The following PITPNC1 variants were observed in gnomAD, a reference collection of about 807,000 sequenced individuals.
PITPNC1 encodes the protein cytoplasmic phosphatidylinositol transfer protein 1.
PITPNC1 carries 18 observed loss-of-function variants against 44.7 expected under a neutral mutation model. The ratio of observed to expected loss-of-function variants is 0.40; its 90% confidence interval spans 0.28 to 0.60. The LOEUF (loss-of-function observed/expected upper bound fraction) is 0.60. PITPNC1 is among the 20% of genes least tolerant of loss of function. The pLI is 0.39. For synonymous variants in PITPNC1, 141 were observed against 149.6 expected (o/e 0.94, Z 0.42); for missense variants, 290 against 418.4 (o/e 0.69, Z 2.68).
chr17:67,432,338 A>G lies in PITPNC1; in HGVS notation c.48+54136A>G, dbSNP rs1025111849. ...CCCCGTCTCTACTAAAAATACAAAAATTAGCCGGGCGTGGTGGTGGGCACC... is the reference window on the plus strand; with the variant it reads ...CCCCGTCTCTACTAAAAATACAAAAGTTAGCCGGGCGTGGTGGTGGGCACC... On this transcript the variant is annotated intron_variant, in intron 1 of 8. Coordinates refer to ENST00000581322, the MANE Select transcript of PITPNC1 (RefSeq NM_012417.4). Among the ~76,000 whole-genome samples, 27 of 152,078 alleles carry G rather than the reference A, an allele frequency of 1.8e-4. 1 individual carries two copies. The highest frequency in any genetic ancestry group is 6.0e-4 in the African/African-American group (25 of 41,406).
At chr17:67,543,432 AG>A (rs1179249062) in intron 2 of PITPNC1, among the ~76,000 whole-genome samples, 2 of 152,244 alleles carry the variant, frequency 1.3e-5, no homozygotes, top group African/African-American at 4.8e-5. Flanking sequence ...TATTCCCACC[AG>A]GAATGCAATA....
intron 2 of PITPNC1, among the ~76,000 whole-genome samples, chr17:67,551,055 C>T (rs2040756151): frequency 6.6e-6 from 1 of 151,828 alleles, no homozygotes; most frequent in Admixed American, 6.6e-5. Context: ...AGCGAGACTC[C>T]GTGTCAAAAC....
intron 1 of PITPNC1, among the ~76,000 whole-genome samples, chr17:67,435,168 T>G (rs990446328): frequency 6.6e-6 from 1 of 151,890 alleles, no homozygotes; most frequent in Non-Finnish European, 1.5e-5. Flanking sequence ...ACTCCCTGGT[T>G]TGAACCTTGG....
intron 8 of PITPNC1, among the ~76,000 whole-genome samples, chr17:67,685,066 A>G (rs1316918293): frequency 6.6e-6 from 1 of 152,268 alleles, no homozygotes; most frequent in East Asian, 1.9e-4. Flanking sequence ...ACTCCTAGCT[A>G]AAAGTGATCG....
intron 2 of PITPNC1, among the ~76,000 whole-genome samples, chr17:67,539,470 G>T (rs1253309215): frequency 6.6e-6 from 1 of 152,170 alleles, no homozygotes; most frequent in East Asian, 1.9e-4. Context: ...TTCCACAGCA[G>T]TTCAACTTAA....
chr17:67,429,559 G>A (rs1428879810), intron 1 of PITPNC1, among the ~76,000 whole-genome samples: 1 of 152,130 alleles, frequency 6.6e-6, no homozygotes, highest in African/African-American at 2.4e-5. Flanking sequence ...TTAGCTGGGC[G>A]TGGTGGCGAT....
chr17:67,550,784 G>C (rs941371147), intron 2 of PITPNC1, among the ~76,000 whole-genome samples: 2 of 152,148 alleles, frequency 1.3e-5, no homozygotes, highest in African/African-American at 4.8e-5. Context: ...ATCATGGGCC[G>C]GGCGCAGTCG....
At chr17:67,619,470 G>GC (rs1378605139) in intron 5 of PITPNC1, among the ~76,000 whole-genome samples, 1 of 151,836 alleles carries the variant, frequency 6.6e-6, no homozygotes, top group Admixed American at 6.6e-5. Context: ...GTGCTTCTTG[G>GC]CCCCCCAAGG....
intron 6 of PITPNC1, among the ~76,000 whole-genome samples, chr17:67,656,612 A>C (rs1345155600): frequency 1.3e-5 from 2 of 152,114 alleles, no homozygotes; most frequent in Non-Finnish European, 2.9e-5. Flanking sequence ...TTCTGATTGC[A>C]CTGAGTTGGG....
intron 1 of PITPNC1, among the ~76,000 whole-genome samples, chr17:67,491,116 G>A (rs1203747291): frequency 1.3e-5 from 2 of 152,238 alleles, no homozygotes; most frequent in Non-Finnish European, 2.9e-5. Flanking sequence ...GAAAGTGAGA[G>A]GGAGGTGACC....
At chr17:67,466,236 G>A (rs72845144) in intron 1 of PITPNC1, among the ~76,000 whole-genome samples, 30,183 of 149,368 alleles carry the variant, frequency 0.2, 3,602 homozygotes, top group Middle Eastern at 0.29. Flanking sequence ...ATGTTGTCCA[G>A]TCTGGTCTCA....
chr17:67,496,551 T>G (rs901025502), intron 1 of PITPNC1, among the ~76,000 whole-genome samples: 5 of 152,126 alleles, frequency 3.3e-5, no homozygotes, highest in Non-Finnish European at 7.3e-5. Flanking sequence ...TATGGAATTA[T>G]CACAGTTCCA....
chr17:67,603,392 G>A (rs1438178273), intron 5 of PITPNC1, among the ~76,000 whole-genome samples: 1 of 152,150 alleles, frequency 6.6e-6, no homozygotes, highest in Non-Finnish European at 1.5e-5. Flanking sequence ...ATATTGGCAG[G>A]AATATTTACA....
intron 8 of PITPNC1, among the ~76,000 whole-genome samples, chr17:67,689,005 C>T (rs930802254): frequency 1.3e-5 from 2 of 152,150 alleles, no homozygotes; most frequent in Non-Finnish European, 2.9e-5. Flanking sequence ...GAGTTCAAGA[C>T]CAGCCTGACC....
intron 1 of PITPNC1, among the ~76,000 whole-genome samples, chr17:67,424,682 T>C (rs573495448): frequency 1.3e-5 from 2 of 151,804 alleles, no homozygotes; most frequent in East Asian, 1.9e-4. Context: ...CAAGCAAATA[T>C]ACAAAACTGA....
At chr17:67,414,090 T>A (rs1445660651) in intron 1 of PITPNC1, among the ~76,000 whole-genome samples, 32 of 127,004 alleles carry the variant, frequency 2.5e-4, no homozygotes, top group African/African-American at 9.8e-4. Context: ...GGGAAATGAG[T>A]TTGAACTGAA....
chr17:67,424,909 G>A (rs988701348), intron 1 of PITPNC1, among the ~76,000 whole-genome samples: 8 of 151,958 alleles, frequency 5.3e-5, no homozygotes, highest in African/African-American at 1.9e-4. Context: ...AGTGAAAATA[G>A]CCTTAACTGA....
chr17:67,471,429 C>T (rs560594062), intron 1 of PITPNC1: 2 of 348,146 alleles, frequency 5.7e-6, no homozygotes, highest in Non-Finnish European at 5.4e-6. Flanking sequence ...CATTCACATA[C>T]AAGTCCTTGT....
chr17:67,602,911 A>ATTTTTTT (rs35100800), intron 5 of PITPNC1, among the ~76,000 whole-genome samples: 1 of 148,730 alleles, frequency 6.7e-6, no homozygotes, highest in African/African-American at 2.5e-5. Context: ...TAATTTTGAT[A>ATTTTTTT]TTTTTTTTTT....
Sources: allele counts gnomAD v4.1 joint callset (sites outside exome capture counted in the v4.1 genomes callset), GRCh38; gene constraint gnomAD v4.1.1; transcripts MANE v1.5; gene names NCBI Gene and HGNC (gene_info 2026-07-23, HGNC 2026-07-21).